Variants in KMT2B observed in about 807,000 individuals in gnomAD.
KMT2B encodes the protein histone-lysine N-methyltransferase 2B.
KMT2B carries 22 observed loss-of-function variants against 255.3 expected under a neutral mutation model. The observed-to-expected ratio is 0.09, with a 90% CI of 0.06 to 0.12. The LOEUF is 0.12. KMT2B is among the 10% of genes least tolerant of loss of function. The pLI is 1.00. For missense variants in KMT2B, 3,149 were observed against 3,737.0 expected (o/e 0.84, Z 4.10); for synonymous variants, 1,730 against 1,498.1 (o/e 1.15, Z -3.57).
chr19:35,727,712 G>T lies in KMT2B; in HGVS notation c.4317G>T (p.Gly1439=). 6.2e-7 allele frequency: 1 copy of T among 1,613,790 alleles called. No individual in the cohort carries two copies. The highest frequency in any genetic ancestry group is 8.5e-7 in the Non-Finnish European group (1 of 1,179,900). ...CCGCTTTGCAGTGTGGGCCAGATGG[G>T]AAGCAACTGCACCCAGGACCCTGCG... The part of the protein sequence containing the change: ...LLLCTQCGPD[G]KQLHPGPCGL... The change falls in exon 17 of 37, where the codon GGG becomes GGT. Residue 1439 remains glycine (G), a synonymous_variant. Coordinates refer to ENST00000420124, the MANE Select transcript of KMT2B (RefSeq NM_014727.3). This position sits in a 1 kb window ranked among gnomAD's most constrained non-coding sequence, Gnocchi z 4.2.
rs767400426 is a variant in KMT2B, at chr19:35,722,424, T to C, written c.2523T>C (p.Pro841=). Residue 841 remains proline, a synonymous_variant, in exon 4 of 37, where the codon CCT becomes CCC. Coordinates refer to ENST00000420124, the MANE Select transcript of KMT2B (RefSeq NM_014727.3). The part of the protein sequence containing the change: ...GAVKQISDRG[P]VRSEDESVEA... ...TCAAGCAGATCTCCGACAGAGGCCC[T>C]GTCCGGTCTGAAGATGAGTCGGTGG... is the stretch of plus-strand genomic sequence containing the variant. The C allele has an allele frequency of 1.9e-6, 3 of 1,610,608 alleles. No homozygotes were observed. Among genetic ancestry groups the C allele is most frequent in the African/African-American group, 1.3e-5 (1 of 74,938 alleles).
rs374545872 is a variant in KMT2B, at chr19:35,729,095, C to T, written c.4779+19C>T. ...CTCCAAGGTGAGGGCTGCTCTGTGA[C>T]GCACCAGGTTGTGGGGCCTGTTCCC... On this transcript the variant is annotated intron_variant, in intron 21 of 36. Transcript: ENST00000420124. 92 of 1,613,982 alleles carry T rather than the reference C, an allele frequency of 5.7e-5. No homozygotes were observed. Among genetic ancestry groups the T allele is most frequent in the East Asian group, 2.0e-4 (9 of 44,884 alleles).
At position 35,720,105 on chromosome 19, in the gene KMT2B, C is replaced by T; in HGVS notation, c.758C>T (p.Pro253Leu). The change falls in exon 3 of 37, where the codon CCA (proline) becomes CTA (leucine). Residue 253 changes from proline to leucine, a missense_variant. By Grantham distance (98) the Pro-to-Leu change is moderately conservative. Transcript: ENST00000420124. ...GTGACAATCCCCAAACCTGAGCCCC[C>T]ACCTCCTGTGGTTCCAGTGAAACAT... ...AAVTIPKPEPPPPVVPVKHQT... is the reference protein window; with the variant it reads ...AAVTIPKPEPLPPVVPVKHQT... 7.5e-6 allele frequency: 12 copies of T among 1,600,368 alleles called. No individual in the cohort carries two copies. Among genetic ancestry groups the T allele is most frequent in the South Asian group, 3.4e-5 (3 of 89,274 alleles).
chr19:35,726,573 C>T (rs1186385350), intron 14 of KMT2B, among the ~76,000 whole-genome samples: 1 of 152,142 alleles, frequency 6.6e-6, no homozygotes, highest in Non-Finnish European at 1.5e-5. Context: ...GCCTGGGACC[C>T]CACTGTCTTG....
chr19:35,733,942 A>G lies in KMT2B; in HGVS notation c.7159+70A>G. On this transcript the variant is annotated intron_variant, in intron 30 of 36. Transcript: ENST00000420124. The surrounding 1 kb of genome is among the most constrained non-coding windows in gnomAD (Gnocchi z 4.3). ...CAGCTGGGTGACTCACAGATGCAAA[A>G]TCAGCCCTCTTTCAAAACCAGTATC... 8.9e-7 allele frequency: 1 copy of G among 1,122,696 alleles called. No individual in the cohort carries two copies. The highest frequency in any genetic ancestry group is 1.3e-6 in the Non-Finnish European group (1 of 754,100). The allele number at this position is 1,122,696 out of a possible 1,614,324, so 69.5% of individuals were successfully genotyped here.
rs1280161497 is a variant in KMT2B at position 35,723,710 on chromosome 19, A to G, written c.3059-22A>G. 4.6e-6 allele frequency: 7 copies of G among 1,516,236 alleles called. No homozygotes were observed. The highest frequency in any genetic ancestry group is 4.6e-5 in the East Asian group (2 of 43,922). The allele number at this position is 1,516,236 out of a possible 1,614,324, so 93.9% of individuals were successfully genotyped here. A position where few individuals can be genotyped will look rare whatever the true frequency, so the allele number is the denominator to read the frequency against. The stretch of plus-strand genomic sequence containing the variant: ...ATGTCCCTGGCTGAGCTCAAATCCT[A>G]CTAAGTCCCCTGTTCCCGCAGGCCG... On this transcript the variant is annotated intron_variant, in intron 7 of 36. Coordinates refer to ENST00000420124, the MANE Select transcript of KMT2B (RefSeq NM_014727.3). The surrounding 1 kb of genome is among the most constrained non-coding windows in gnomAD (Gnocchi z 7.5).
In KMT2B at chr19:35,718,161, G is replaced by A; in HGVS notation, c.143G>A (p.Arg48Gln). Residue 48 changes from arginine to glutamine, a missense_variant, in exon 1 of 37, where the codon CGG becomes CAG. Around this residue, in one of 18 missense-constraint regions of KMT2B, gnomAD observed 1,188 missense variants for 1,106.4 expected, o/e 1.07. Coordinates refer to ENST00000420124, the MANE Select transcript of KMT2B (RefSeq NM_014727.3). This position sits in a 1 kb window ranked among gnomAD's most constrained non-coding sequence, Gnocchi z 5.0. ...GCCGAAAGAGTGCGGGTAGCTCTGC[G>A]GCGCGGCGGTGGCGCGACGGGGCCG... ...NGAERVRVAL[R>Q]RGGGATGPGG... 9.3e-7 allele frequency: 1 copy of A among 1,073,862 alleles called. No homozygotes were observed. Among genetic ancestry groups the A allele is most frequent in the Non-Finnish European group, 1.1e-6 (1 of 888,576 alleles). 66.5% of individuals were successfully genotyped at this position (1,073,862 alleles called of 1,614,324 possible).
Position 35,730,927 on chromosome 19 carries a change from C to T in KMT2B, c.5437+60C>T, listed in dbSNP as rs73928306. The T allele has an allele frequency of 1.2e-3, 1,769 of 1,480,188 alleles. 15 individuals carry two copies. In the African/African-American group the frequency reaches 0.021, roughly 17 times the overall value. 91.7% of individuals were successfully genotyped at this position (1,480,188 alleles called of 1,614,324 possible). A position where few individuals can be genotyped will look rare whatever the true frequency, so the allele number is the denominator to read the frequency against. ...GCTCTCCCTAAACAAACCTACAGAT[C>T]TCTGTTCCCCGCTCCCTTTTGGAAA... On this transcript the variant is annotated intron_variant, in intron 26 of 36. Transcript: ENST00000420124.
intron 9 of KMT2B, 69 bp from the exon 10 acceptor site, chr19:35,724,920 G>A (rs1011509335): frequency 1.6e-5 from 20 of 1,252,480 alleles, no homozygotes; most frequent in Non-Finnish European, 2.3e-5. Flanking sequence ...TGGGGGAAAG[G>A]CGGTGAGGAG....
Position 35,730,782 on chromosome 19 carries a change from G to C in KMT2B, c.5352G>C (p.Arg1784=). The stretch of plus-strand genomic sequence containing the variant: ...ATCGGTGCCGAATTCTGGAGTATCG[G>C]CCATGGGGGCCGAGGGAAGAGCCAG... ...CWYRCRILEY[R]PWGPREEPAH... is the part of the protein sequence containing the mutation. The change falls in exon 26 of 37, where the codon CGG becomes CGC. Residue 1784 remains arginine, a synonymous_variant. Transcript: ENST00000420124. 6.2e-7 allele frequency: 1 copy of C among 1,613,788 alleles called. No individual in the cohort carries two copies. The highest frequency in any genetic ancestry group is 8.5e-7 in the Non-Finnish European group (1 of 1,179,872).
Position 35,737,916 on chromosome 19 carries a change from G to T in KMT2B, c.7716G>T (p.Thr2572=). The change falls in exon 35 of 37, where the codon ACG becomes ACT. Residue 2572 remains threonine (T), a synonymous_variant. Coordinates refer to ENST00000420124, the MANE Select transcript of KMT2B (RefSeq NM_014727.3). The surrounding 1 kb of genome is among the most constrained non-coding windows in gnomAD (Gnocchi z 5.3). ...TGCGTTTTCGTCACCTTAAGAAGAC[G>T]TCCAAAGAAGCTGTGGGTGTCTACA... The part of the protein sequence containing the change: ...MAMRFRHLKK[T]SKEAVGVYRS... 1.3e-6 allele frequency: 2 copies of T among 1,594,544 alleles called. No individual in the cohort carries two copies. The highest frequency in any genetic ancestry group is 2.3e-5 in the South Asian group (2 of 88,456).
rs747873093 is a variant in KMT2B at position 35,733,031 on chromosome 19, G to C, written c.6482G>C (p.Arg2161Pro). ...ACCGCCAGCCCAGCTGACCCCACCC[G>C]CACATTTGCCTGGCTCCCAGGGGCC... ...GLTASPADPT[R>P]TFAWLPGAPG... Residue 2161 changes from arginine to proline, a missense_variant, in exon 28 of 37, where the codon CGC (arginine) becomes CCC (proline). By Grantham distance (103) the Arg-to-Pro change is moderately radical. This residue lies in a region of KMT2B where 897 missense variants were observed against 825.3 expected (regional missense o/e 1.09). Coordinates refer to ENST00000420124, the MANE Select transcript of KMT2B (RefSeq NM_014727.3). This position sits in a 1 kb window ranked among gnomAD's most constrained non-coding sequence, Gnocchi z 4.3. 1 of 1,590,350 alleles carries C rather than the reference G, an allele frequency of 6.3e-7. No homozygotes were observed. Among genetic ancestry groups the C allele is most frequent in the Non-Finnish European group, 8.6e-7 (1 of 1,168,694 alleles).
chr19:35,719,731 C>G, intron 2 of KMT2B, 53 bp from the exon 3 acceptor site: 1 of 1,536,602 alleles, frequency 6.5e-7, no homozygotes, highest in South Asian at 1.3e-5. Context: ...GAGCGCCTTC[C>G]TCTGTGTGTA....
chr19:35,736,696 C>T lies in KMT2B; in HGVS notation c.7166C>T (p.Ala2389Val), dbSNP rs374954211. ...ACCTGCTTCTTGGGACCAGGTGAGGCTTCGAGCTCTGAGGAAGAGCCTCCA... is the reference window on the plus strand; with the variant it reads ...ACCTGCTTCTTGGGACCAGGTGAGGTTTCGAGCTCTGAGGAAGAGCCTCCA... ...ESQWHHYSGE[A>V]SSSEEEPPSP... The change falls in exon 31 of 37, where the codon GCT (alanine) becomes GTT (valine). Residue 2389 changes from alanine (A) to valine (V), a missense_variant. Transcript: ENST00000420124. The T allele has an allele frequency of 2.9e-5, 46 of 1,613,642 alleles. No individual in the cohort carries two copies. The highest frequency in any genetic ancestry group is 3.7e-5 in the Non-Finnish European group (44 of 1,179,744).
Position 35,732,312 on chromosome 19 carries a change from C to T in KMT2B, c.5763C>T (p.Pro1921=). The part of the protein sequence containing the change: ...RRSRRPSPLA[P]RPPPSRWASP... ...CCCGTCGTCCCAGCCCTTTGGCTCCCAGGCCGCCTCCATCACGGTGGGCCT... is the reference window on the plus strand; with the variant it reads ...CCCGTCGTCCCAGCCCTTTGGCTCCTAGGCCGCCTCCATCACGGTGGGCCT... Residue 1921 remains proline, a synonymous_variant, in exon 28 of 37, where the codon CCC becomes CCT. Transcript: ENST00000420124. 1.2e-6 allele frequency: 2 copies of T among 1,611,194 alleles called. No homozygotes were observed. The highest frequency in any genetic ancestry group is 1.7e-6 in the Non-Finnish European group (2 of 1,178,790).
At chr19:35,728,572 G>A (rs1209589427) in intron 19 of KMT2B, among the ~76,000 whole-genome samples, 1 of 152,140 alleles carries the variant, frequency 6.6e-6, no homozygotes, top group East Asian at 1.9e-4. Context: ...GAGCTGGGGA[G>A]GAAGAGTATT....
At chr19:35,726,834 A>G (rs953360421) in intron 14 of KMT2B, among the ~76,000 whole-genome samples, 2 of 152,076 alleles carry the variant, frequency 1.3e-5, no homozygotes, top group Admixed American at 6.5e-5. Flanking sequence ...AAATACAAAA[A>G]TTAGCCGGGC....
In KMT2B at chr19:35,733,256, C is replaced by T; in HGVS notation, c.6707C>T (p.Pro2236Leu). 1 of 1,489,214 alleles carries T rather than the reference C, an allele frequency of 6.7e-7. No homozygotes were observed. The highest frequency in any genetic ancestry group is 9.1e-7 in the Non-Finnish European group (1 of 1,094,010). 92.3% of individuals were successfully genotyped at this position (1,489,214 alleles called of 1,614,324 possible). ...PTAPTSWTLP[P>L]GPLLGVLPVV... Reference sequence around the variant, plus strand: ...GCTCCCACCTCCTGGACTCTGCCCCCAGGCCCCCTCCTCGGCGTGCTGCCC... The same window carrying T: ...GCTCCCACCTCCTGGACTCTGCCCCTAGGCCCCCTCCTCGGCGTGCTGCCC... The change falls in exon 28 of 37, where the codon CCA (proline) becomes CTA (leucine). Residue 2236 changes from proline to leucine, a missense_variant. Around this residue, in one of 18 missense-constraint regions of KMT2B, gnomAD observed 897 missense variants for 825.3 expected, o/e 1.09. Transcript: ENST00000420124. This position sits in a 1 kb window ranked among gnomAD's most constrained non-coding sequence, Gnocchi z 4.3.
rs527613575 is a variant in KMT2B, at chr19:35,738,258, G to C, written c.7873-24G>C. The C allele has an allele frequency of 6.2e-7, 1 of 1,613,238 alleles. No individual in the cohort carries two copies. The highest frequency in any genetic ancestry group is 1.1e-5 in the South Asian group (1 of 91,054). On this transcript the variant is annotated intron_variant, in intron 36 of 36. Coordinates refer to ENST00000420124, the MANE Select transcript of KMT2B (RefSeq NM_014727.3). This position sits in a 1 kb window ranked among gnomAD's most constrained non-coding sequence, Gnocchi z 8.7. ...GCCTGTCCGCGGGGACAGAGCACCTGATCTCCCCACCTCATCCCTGCAGGG... is the reference window on the plus strand; with the variant it reads ...GCCTGTCCGCGGGGACAGAGCACCTCATCTCCCCACCTCATCCCTGCAGGG...
Sources: gnomAD v4.1 joint callset for allele counts (sites outside exome capture counted in the v4.1 genomes callset) on GRCh38, gnomAD v4.1.1 for gene constraint, gnomAD v4.1.1 regional missense constraint, Gnocchi (gnomAD v3.1) non-coding constraint, MANE v1.5 for transcripts, NCBI Gene and HGNC (gene_info 2026-07-23, HGNC 2026-07-21) for gene names.